The following MROH2B variants were observed in gnomAD, a reference collection of about 807,000 sequenced individuals.
MROH2B encodes the protein maestro heat-like repeat-containing protein family member 2B.
In MROH2B, 177 loss-of-function variants were observed where a neutral mutation model predicts 208.6. The observed-to-expected ratio is 0.85, with a 90% CI of 0.75 to 0.96. The LOEUF is 0.96. Among genes scored for constraint, MROH2B ranks in the 40% least tolerant of loss-of-function variants. The probability of loss-of-function intolerance (pLI) is 0.00; values close to 1 mark genes in which losing one functional copy is unlikely to be tolerated. For synonymous variants in MROH2B, 728 were observed against 659.0 expected (o/e 1.10, Z -1.60); for missense variants, 2,002 against 1,878.7 (o/e 1.07, Z -1.21).
At chr5:41,041,250 A>G (rs1246964948) in intron 19 of MROH2B, among the ~76,000 whole-genome samples, 1 of 152,238 alleles carries the variant, frequency 6.6e-6, no homozygotes, top group African/African-American at 2.4e-5. Context: ...AGGAGAAAAT[A>G]TAACACACTA....
chr5:41,051,202 T>A, intron 12 of MROH2B, 112 bp from the exon 13 acceptor site: 2 of 525,936 alleles, frequency 3.8e-6, no homozygotes, highest in Non-Finnish European at 6.2e-6. Flanking sequence ...TCACTCAACT[T>A]AAGGGGCTCA....
At chr5:41,023,816 C>A (rs1406094697) in intron 24 of MROH2B, among the ~76,000 whole-genome samples, 2 of 152,184 alleles carry the variant, frequency 1.3e-5, no homozygotes, top group Admixed American at 1.3e-4. Flanking sequence ...GGAAGCCCAT[C>A]AGACTAACAG....
At chr5:41,000,159 C>G in intron 39 of MROH2B, 61 bp downstream of exon 39, 1 of 1,588,188 alleles carries the variant, frequency 6.3e-7, no homozygotes, top group Non-Finnish European at 8.5e-7. Context: ...GTTTGCCCTT[C>G]TGCGATTTGT....
intron 2 of MROH2B, 81 bp from the exon 3 acceptor site, chr5:41,067,299 T>A: frequency 1.4e-6 from 1 of 726,850 alleles, no homozygotes; most frequent in Non-Finnish European, 2.4e-6. Context: ...AATAACACCA[T>A]TAAAGTAAGC....
At chr5:40,999,960 A>G in intron 39 of MROH2B, 181 bp from the exon 40 acceptor site, 1 of 678,920 alleles carries the variant, frequency 1.5e-6, no homozygotes, top group Non-Finnish European at 2.5e-6. Flanking sequence ...AAGCCATCAG[A>G]GTTTAAGGGA....
intron 2 of MROH2B, among the ~76,000 whole-genome samples, chr5:41,068,590 T>C (rs891246387): frequency 8.5e-5 from 13 of 152,232 alleles, no homozygotes; most frequent in African/African-American, 2.7e-4. Context: ...CTCTTGGTTA[T>C]GCTGGCTATT....
At chr5:41,008,819 C>A in intron 32 of MROH2B, 26 bp from the exon 33 acceptor site, 2 of 1,589,246 alleles carry the variant, frequency 1.3e-6, no homozygotes, top group South Asian at 1.1e-5. Context: ...GCCTCTTGGT[C>A]AGGCAGTCTC....
chr5:41,007,212 T>A, intron 34 of MROH2B, 102 bp downstream of exon 34: 2 of 1,162,962 alleles, frequency 1.7e-6, no homozygotes, highest in Non-Finnish European at 2.3e-6. Flanking sequence ...TAGTCCTAAG[T>A]GAATCAATTA....
Position 41,011,592 on chromosome 5 carries a change from G to T in MROH2B, c.3135+991C>A, listed in dbSNP as rs577587483. Among the ~76,000 whole-genome samples the T allele has an allele frequency of 4.6e-5, 7 of 152,266 alleles. No individual in the cohort carries two copies. The South Asian group carries it at 1.5e-3, about 32-fold the overall frequency. On this transcript the variant is annotated intron_variant, in intron 30 of 41. Coordinates refer to ENST00000399564, the MANE Select transcript of MROH2B (RefSeq NM_173489.5). ...GAGAGTTTTTAAATTGAGGGTAGTTGACTGGACTATAGGGACAAGAACTTC... is the reference window on the plus strand; with the variant it reads ...GAGAGTTTTTAAATTGAGGGTAGTTTACTGGACTATAGGGACAAGAACTTC...
intron 13 of MROH2B, 57 bp from the exon 14 acceptor site, chr5:41,049,493 T>G: frequency 6.5e-7 from 1 of 1,531,806 alleles, no homozygotes; most frequent in South Asian, 1.3e-5. Flanking sequence ...TATTTCTCCC[T>G]GGTCCTCACT....
At chr5:41,053,726 G>A (rs1177157051) in intron 11 of MROH2B, among the ~76,000 whole-genome samples, 11 of 152,092 alleles carry the variant, frequency 7.2e-5, no homozygotes, top group South Asian at 2.1e-4. Flanking sequence ...AACTCTTCTC[G>A]TAATTCTTGT....
intron 24 of MROH2B, among the ~76,000 whole-genome samples, chr5:41,027,516 A>G (rs999566862): frequency 4.6e-5 from 7 of 152,124 alleles, no homozygotes; most frequent in African/African-American, 1.4e-4. Flanking sequence ...TTAGAATGGC[A>G]ATCATTAAAA....
intron 24 of MROH2B, among the ~76,000 whole-genome samples, chr5:41,025,471 C>T (rs1742320395): frequency 6.6e-6 from 1 of 152,080 alleles, no homozygotes; most frequent in Non-Finnish European, 1.5e-5. Context: ...CACAACCTCC[C>T]AAGACAAAAC....
At chr5:41,000,939 T>C in intron 37 of MROH2B, 106 bp from the exon 38 acceptor site, 3 of 1,286,558 alleles carry the variant, frequency 2.3e-6, no homozygotes, top group Non-Finnish European at 2.1e-6. Context: ...AAAAGAAGGC[T>C]GGAACCCAGG....
intron 2 of MROH2B, among the ~76,000 whole-genome samples, chr5:41,068,628 A>C (rs1361085660): frequency 1.3e-5 from 2 of 152,168 alleles, no homozygotes; most frequent in African/African-American, 4.8e-5. Flanking sequence ...CTCATCATAA[A>C]ATAACTAGGA....
At chr5:40,999,579 C>A in intron 40 of MROH2B, 98 bp downstream of exon 40, 3 of 862,622 alleles carry the variant, frequency 3.5e-6, no homozygotes, top group Admixed American at 3.1e-5. Context: ...AAAGTTATAC[C>A]AGTCCTACTA....
chr5:41,022,448 A>C (rs937524150), intron 24 of MROH2B, among the ~76,000 whole-genome samples: 1 of 152,228 alleles, frequency 6.6e-6, no homozygotes, highest in African/African-American at 2.4e-5. Flanking sequence ...AGCCTTGCTC[A>C]CTGCTAGCAC....
intron 20 of MROH2B, 96 bp downstream of exon 20, chr5:41,039,352 A>C: frequency 1.4e-6 from 1 of 692,590 alleles, no homozygotes; most frequent in Non-Finnish European, 2.4e-6. Flanking sequence ...ACCTGGGGAC[A>C]GGAGTAAGTA....
Position 41,044,049 on chromosome 5 carries a change from C to T in MROH2B, c.1836+1697G>A, listed in dbSNP as rs183297814. Among the ~76,000 whole-genome samples, 442 of 148,054 alleles carry T rather than the reference C, an allele frequency of 3.0e-3. 2 individuals carry two copies. The highest frequency in any genetic ancestry group is 0.011 in the African/African-American group (418 of 39,802). ...GGTCAGGAGATCGAGACCATCCTGGCTAACATGGTGAAACCCCGTCTCTAC... is the reference window on the plus strand; with the variant it reads ...GGTCAGGAGATCGAGACCATCCTGGTTAACATGGTGAAACCCCGTCTCTAC... On this transcript the variant is annotated intron_variant, in intron 18 of 41. Transcript: ENST00000399564.
Sources: gnomAD v4.1 joint callset for allele counts (sites outside exome capture counted in the v4.1 genomes callset) on GRCh38, gnomAD v4.1.1 for gene constraint, MANE v1.5 for transcripts, NCBI Gene and HGNC (gene_info 2026-07-23, HGNC 2026-07-21) for gene names.